FAAH2: variants seen among roughly 807,000 people sequenced by gnomAD.
FAAH2 encodes the protein fatty-acid amide hydrolase 2.
In FAAH2, 60 loss-of-function variants were observed where a neutral mutation model predicts 36.9. The ratio of observed to expected loss-of-function variants is 1.63; its 90% CI spans 1.32 to 2.02. FAAH2 has a LOEUF of 2.02. Among genes scored for constraint, FAAH2 ranks in the 30% most tolerant of loss-of-function variants. The pLI is 0.00. For missense variants in FAAH2, 689 were observed against 397.5 expected, an observed-to-expected ratio of 1.73 and a Z score of -6.23; for synonymous variants, 214 against 143.8, an observed-to-expected ratio of 1.49 and a Z score of -3.49.
At position 57,446,980 on chromosome X, in the gene FAAH2, C is replaced by T. The variant is rs1362690791; in HGVS notation, c.1169C>T (p.Pro390Leu). 8.3e-7 allele frequency: 1 copy of T among 1,210,130 alleles called. No individual in the cohort carries two copies. The highest frequency in any genetic ancestry group is 1.1e-6 in the Non-Finnish European group (1 of 894,827). Residue 390 changes from proline (P) to leucine (L), a missense_variant, in exon 9 of 11, where the codon CCT (proline) becomes CTT (leucine). Transcript: ENST00000374900. ...LLGDHGKHVSPLWELIKWCLG... is the reference protein window; with the variant it reads ...LLGDHGKHVSLLWELIKWCLG... ...GGTGACCATGGGAAACATGTCAGTC[C>T]TCTGTGGGAGTTGATCAAATGGTGC...
chrX:57,246,203 T>C, the FAAH2 span, among the ~76,000 whole-genome samples: 2 of 111,689 alleles, frequency 1.8e-5, no homozygotes, highest in Non-Finnish European at 3.8e-5. Context: ...AAAAGACCAA[T>C]AACAAGTTCT....
the FAAH2 span, among the ~76,000 whole-genome samples, chrX:57,171,543 C>A: frequency 9.0e-6 from 1 of 111,023 alleles, no homozygotes; most frequent in Non-Finnish European, 1.9e-5. Flanking sequence ...TGTTTCTTGG[C>A]CATTTGTATA....
At chrX:57,324,320 C>G (rs748142597) in intron 3 of FAAH2, among the ~76,000 whole-genome samples, 1 of 111,738 alleles carries the variant, frequency 8.9e-6, no homozygotes, top group Non-Finnish European at 1.9e-5. Context: ...TTTGGCAATG[C>G]GGGCTCTTTT....
intron 8 of FAAH2, among the ~76,000 whole-genome samples, chrX:57,438,033 A>ATG (rs2056451873): frequency 9.6e-6 from 1 of 104,307 alleles, no homozygotes; most frequent in South Asian, 3.9e-4. Flanking sequence ...ATATATACAT[A>ATG]TGTATATATA....
intron 1 of FAAH2, among the ~76,000 whole-genome samples, chrX:57,288,338 C>CTTT (rs771871081): frequency 6.2e-4 from 25 of 40,345 alleles, no homozygotes; most frequent in Admixed American, 9.5e-4. Flanking sequence ...AAAAACATTT[C>CTTT]TTTTTTTTTT....
intron 10 of FAAH2, among the ~76,000 whole-genome samples, chrX:57,461,191 C>A (rs1406413326): frequency 9.1e-6 from 1 of 110,443 alleles, no homozygotes; most frequent in Non-Finnish European, 1.9e-5. Flanking sequence ...CTTAGACTCC[C>A]ACACAATAAT....
the FAAH2 span, among the ~76,000 whole-genome samples, chrX:57,224,660 C>A: frequency 8.9e-6 from 1 of 112,293 alleles, no homozygotes; most frequent in Non-Finnish European, 1.9e-5. Flanking sequence ...TATCTGGGAA[C>A]AATGTAGCAG....
At chrX:57,151,839 T>C in the FAAH2 span, among the ~76,000 whole-genome samples, 1 of 111,587 alleles carries the variant, frequency 9.0e-6, no homozygotes, top group South Asian at 3.8e-4. Flanking sequence ...GCACTCTGCT[T>C]TTTAGAGTTT....
rs778377408 is a variant in FAAH2 at position 57,480,947 on chromosome X, CT to C, written c.1424-7800del. Reference sequence around the variant, plus strand: ...GCTTTGTTTTTTTTTCCTTTTCACTCTTTTTTTTTTCTAATCTTGTAATCTT... The same window carrying C: ...GCTTTGTTTTTTTTTCCTTTTCACTCTTTTTTTTTCTAATCTTGTAATCTT... On this transcript the variant is annotated intron_variant, in intron 10 of 10. Coordinates refer to ENST00000374900, the MANE Select transcript of FAAH2 (RefSeq NM_174912.4). 2.0e-3 allele frequency among the ~76,000 whole-genome samples: 217 copies of C among 105,878 alleles called. 1 individual carries two copies. The highest frequency in any genetic ancestry group is 7.0e-3 in the African/African-American group (203 of 29,157). The allele number at this position is 105,878 out of a possible 115,157, so 91.9% of individuals were successfully genotyped here.
the FAAH2 span, among the ~76,000 whole-genome samples, chrX:57,273,935 G>T: frequency 9.0e-6 from 1 of 110,713 alleles, no homozygotes; most frequent in Non-Finnish European, 1.9e-5. Flanking sequence ...GGAGATAGAG[G>T]CACAAACAAC....
At chrX:57,335,398 T>C (rs931005021) in intron 4 of FAAH2, among the ~76,000 whole-genome samples, 15 of 111,597 alleles carry the variant, frequency 1.3e-4, no homozygotes, top group Non-Finnish European at 2.8e-4. Flanking sequence ...GGAGAGAAGG[T>C]CAACAGGTAA....
At chrX:57,209,597 A>C in the FAAH2 span, among the ~76,000 whole-genome samples, 4 of 111,355 alleles carry the variant, frequency 3.6e-5, no homozygotes, top group East Asian at 8.6e-4. Context: ...CTCCTCAGAC[A>C]GTGGGAATGA....
chrX:57,359,343 T>C (rs1212214150), intron 5 of FAAH2, among the ~76,000 whole-genome samples: 1 of 111,642 alleles, frequency 9.0e-6, no homozygotes, highest in Admixed American at 9.5e-5. Flanking sequence ...TAATTTGTCT[T>C]AAGGTATTTT....
At chrX:57,359,686 C>T (rs73516830) in intron 5 of FAAH2, among the ~76,000 whole-genome samples, 6,571 of 111,376 alleles carry the variant, frequency 0.059, 473 homozygotes, top group African/African-American at 0.2. Context: ...GTCCTTTAAT[C>T]TCCATACCAG....
At chrX:57,459,686 G>A (rs2056923827) in intron 10 of FAAH2, among the ~76,000 whole-genome samples, 1 of 112,260 alleles carries the variant, frequency 8.9e-6, no homozygotes, top group Admixed American at 9.4e-5. Context: ...AGCCTCTGCT[G>A]GTGATACCCA....
the FAAH2 span, among the ~76,000 whole-genome samples, chrX:57,184,325 C>G: frequency 9.0e-6 from 1 of 111,369 alleles, no homozygotes; most frequent in African/African-American, 3.3e-5. Context: ...GTTCTTACAC[C>G]CCCTCTCCTT....
intron 2 of FAAH2, among the ~76,000 whole-genome samples, chrX:57,299,407 A>T (rs748944144): frequency 2.7e-5 from 3 of 111,176 alleles, no homozygotes; most frequent in Non-Finnish European, 5.7e-5. Flanking sequence ...ATTCAACAAC[A>T]CTTCATGCTA....
At chrX:57,208,400 C>T in the FAAH2 span, among the ~76,000 whole-genome samples, 27 of 112,131 alleles carry the variant, frequency 2.4e-4, no homozygotes, top group South Asian at 7.1e-3. Context: ...CCATTGTTAC[C>T]GTGTTGCTTC....
chrX:57,123,165 A>G, the FAAH2 span, among the ~76,000 whole-genome samples: 1 of 110,382 alleles, frequency 9.1e-6, no homozygotes, highest in Admixed American at 9.6e-5. Flanking sequence ...CCCCCACCTC[A>G]CAAGAGGCCC....
Sources: gnomAD v4.1 joint callset for allele counts (sites outside exome capture counted in the v4.1 genomes callset) on GRCh38, gnomAD v4.1.1 for gene constraint, MANE v1.5 for transcripts, NCBI Gene and HGNC (gene_info 2026-07-23, HGNC 2026-07-21) for gene names.